METTL25: variants seen among roughly 807,000 people sequenced by gnomAD.
METTL25 encodes the protein methyltransferase like 25.
METTL25 carries 64 observed loss-of-function variants against 71.6 expected under a neutral mutation model. That is an observed-to-expected ratio of 0.89 (90% CI 0.73 to 1.10). METTL25 has a LOEUF of 1.10. METTL25 is among the 50% of genes least tolerant of loss of function. The probability of loss-of-function intolerance (pLI) is 0.00; values close to 1 mark genes in which losing one functional copy is unlikely to be tolerated. For missense variants in METTL25, 807 were observed against 707.0 expected (o/e 1.14, Z -1.60); for synonymous variants, 287 against 250.3 (o/e 1.15, Z -1.38).
intron 5 of METTL25, among the ~76,000 whole-genome samples, chr12:82,406,677 T>G (rs1887124755): frequency 6.6e-6 from 1 of 152,188 alleles, no homozygotes; most frequent in Non-Finnish European, 1.5e-5. Context: ...GCACTAGTGT[T>G]CATCTTTGTT....
chr12:82,420,658 G>T lies in METTL25; in HGVS notation c.1280-10235G>T, dbSNP rs1226104563. On this transcript the variant is annotated intron_variant, in intron 5 of 11. Coordinates refer to ENST00000248306, the MANE Select transcript of METTL25 (RefSeq NM_032230.3). ...TTAAGTACTCAATAAATATATATAAGATTAAAAATCCAAATTGTAAAAAGT... is the reference window on the plus strand; with the variant it reads ...TTAAGTACTCAATAAATATATATAATATTAAAAATCCAAATTGTAAAAAGT... 5.3e-5 allele frequency among the ~76,000 whole-genome samples: 8 copies of T among 151,940 alleles called. No individual in the cohort carries two copies. The Admixed American group carries it at 5.3e-4, about 10-fold the overall frequency.
Position 82,433,811 on chromosome 12 carries a change from A to G in METTL25, c.1375-884A>G, listed in dbSNP as rs555599764. Reference sequence around the variant, plus strand: ...ATAAAAACCTGAAGCAAATATGGGTATTTTAAATTTGAATAGCAAGTATAT... The same window carrying G: ...ATAAAAACCTGAAGCAAATATGGGTGTTTTAAATTTGAATAGCAAGTATAT... On this transcript the variant is annotated intron_variant, in intron 6 of 11. Transcript: ENST00000248306. 2.0e-5 allele frequency among the ~76,000 whole-genome samples: 3 copies of G among 151,698 alleles called. No individual in the cohort carries two copies. The South Asian group carries it at 6.2e-4, about 31-fold the overall frequency.
chr12:82,384,085 G>C (rs1165057860), intron 1 of METTL25, among the ~76,000 whole-genome samples: 2 of 152,110 alleles, frequency 1.3e-5, no homozygotes, highest in Non-Finnish European at 2.9e-5. Flanking sequence ...AAGCAGAACA[G>C]GGACTTCCAG....
Position 82,442,051 on chromosome 12 carries a change from C to T in METTL25, c.1478+3260C>T, listed in dbSNP as rs181313314. Among the ~76,000 whole-genome samples, 10 of 152,150 alleles carry T rather than the reference C, an allele frequency of 6.6e-5. 1 individual carries two copies. The highest frequency in any genetic ancestry group is 4.6e-4 in the Admixed American group (7 of 15,240). On this transcript the variant is annotated intron_variant, in intron 8 of 11. Transcript: ENST00000248306. ...TCATACAGACCATGTGAGAGGCCTG[C>T]ACTTCCTACCCAGCCAGCCATATGA...
chr12:82,443,891 T>G (rs1890547845), intron 8 of METTL25, among the ~76,000 whole-genome samples: 1 of 152,046 alleles, frequency 6.6e-6, no homozygotes, highest in African/African-American at 2.4e-5. Flanking sequence ...TGGCCTAAAC[T>G]TTTCCCATTA....
chr12:82,426,343 T>C (rs1889010538), intron 5 of METTL25, among the ~76,000 whole-genome samples: 1 of 152,042 alleles, frequency 6.6e-6, no homozygotes, highest in Non-Finnish European at 1.5e-5. Context: ...AAGATGGTTA[T>C]GTAACCACGT....
At chr12:82,408,886 C>T (rs1281974226) in intron 5 of METTL25, among the ~76,000 whole-genome samples, 1 of 152,104 alleles carries the variant, frequency 6.6e-6, no homozygotes, top group East Asian at 1.9e-4. Context: ...GGAGTTATAT[C>T]TCTGAATGGT....
At chr12:82,445,657 T>C (rs1283365651) in intron 8 of METTL25, among the ~76,000 whole-genome samples, 1 of 152,180 alleles carries the variant, frequency 6.6e-6, no homozygotes, top group East Asian at 1.9e-4. Flanking sequence ...GTGCCATTAG[T>C]GATCCTGGAA....
At chr12:82,406,017 A>C (rs975410511) in intron 5 of METTL25, among the ~76,000 whole-genome samples, 1 of 152,200 alleles carries the variant, frequency 6.6e-6, no homozygotes, top group Admixed American at 6.5e-5. Flanking sequence ...AAGGCACTGT[A>C]GTTGGTACTT....
chr12:82,423,166 ACAG>A (rs1888677707), intron 5 of METTL25, among the ~76,000 whole-genome samples: 1 of 152,154 alleles, frequency 6.6e-6, no homozygotes, highest in African/African-American at 2.4e-5. Context: ...AATAACCAAA[ACAG>A]CATGGTACTA....
chr12:82,374,491 G>A (rs1173078506), intron 1 of METTL25, among the ~76,000 whole-genome samples: 2 of 151,990 alleles, frequency 1.3e-5, no homozygotes, highest in Non-Finnish European at 2.9e-5. Flanking sequence ...GACACAGAGT[G>A]CTGATTGGTG....
Position 82,457,310 on chromosome 12 carries a change from A to G in METTL25, c.1572+490A>G, listed in dbSNP as rs1024873014. Among the ~76,000 whole-genome samples the G allele has an allele frequency of 2.4e-5, 3 of 125,720 alleles. No individual in the cohort carries two copies. The Admixed American group carries it at 2.6e-4, about 11-fold the overall frequency. The allele number at this position is 125,720 out of a possible 152,430, so 82.5% of individuals were successfully genotyped here. On this transcript the variant is annotated intron_variant, in intron 9 of 11. Transcript: ENST00000248306. ...AAGGTAAACTTGTTGACTGATAGTA[A>G]TAAATATTCTACCACTGAGGGAAAA...
At chr12:82,450,327 C>T in intron 8 of METTL25, among the ~76,000 whole-genome samples, 1 of 152,084 alleles carries the variant, frequency 6.6e-6, no homozygotes, top group East Asian at 1.9e-4. Flanking sequence ...TTTAAGACAT[C>T]CTTGACTCTT....
At chr12:82,439,835 C>T (rs1890190942) in intron 8 of METTL25, 11 of 951,954 alleles carry the variant, frequency 1.2e-5, no homozygotes, top group Middle Eastern at 1.1e-3. Flanking sequence ...TTACTACCTG[C>T]CTTCTTTAAA....
At chr12:82,375,908 G>T (rs1883806047) in intron 1 of METTL25, among the ~76,000 whole-genome samples, 1 of 152,176 alleles carries the variant, frequency 6.6e-6, no homozygotes. Flanking sequence ...GTATGAAATT[G>T]TAGTTGTGGC....
intron 5 of METTL25, among the ~76,000 whole-genome samples, chr12:82,422,220 C>T (rs1888580611): frequency 6.6e-6 from 1 of 152,162 alleles, no homozygotes; most frequent in Admixed American, 6.6e-5. Context: ...GGCTTCATCC[C>T]TGGGATGCAA....
intron 1 of METTL25, among the ~76,000 whole-genome samples, chr12:82,370,984 CCAGAGGTTAGGAACT>C (rs1240415358): frequency 6.6e-6 from 1 of 152,200 alleles, no homozygotes; most frequent in Non-Finnish European, 1.5e-5. Flanking sequence ...GGGGGTTCCC[CCAGAGGTTAGGAACT>C]CCCTTTCTTT....
intron 9 of METTL25, among the ~76,000 whole-genome samples, chr12:82,472,324 C>T (rs543228589): frequency 2.6e-5 from 4 of 152,074 alleles, no homozygotes; most frequent in Non-Finnish European, 5.9e-5. Flanking sequence ...TTGGGCCTGG[C>T]GCAGTGGCTC....
Position 82,479,084 on chromosome 12 carries a change from T to C in METTL25, c.*60T>C. ...TATGAGACCTGTTGCTGAGATTGCT[T>C]TTCTAAACATATATGTCCTGTTATA... On this transcript the variant is annotated 3_prime_UTR_variant, in exon 12 of 12. Coordinates refer to ENST00000248306, the MANE Select transcript of METTL25 (RefSeq NM_032230.3). The C allele has an allele frequency of 1.4e-6, 2 of 1,415,886 alleles. No homozygotes were observed. Among genetic ancestry groups the C allele is most frequent in the Non-Finnish European group, 2.0e-6 (2 of 1,003,338 alleles). The allele number at this position is 1,415,886 out of a possible 1,614,324, so 87.7% of individuals were successfully genotyped here.
Sources: gnomAD v4.1 joint callset for allele counts (sites outside exome capture counted in the v4.1 genomes callset) on GRCh38, gnomAD v4.1.1 for gene constraint, MANE v1.5 for transcripts, NCBI Gene and HGNC (gene_info 2026-07-23, HGNC 2026-07-21) for gene names.